KCNN2: variants seen among roughly 807,000 people sequenced by gnomAD.
KCNN2 encodes the protein potassium calcium-activated channel subfamily N member 2.
In KCNN2, 24 loss-of-function variants were observed where a neutral mutation model predicts 55.5. That is an observed-to-expected ratio of 0.43 (90% CI 0.31 to 0.61). The LOEUF (loss-of-function observed/expected upper bound fraction) is 0.61, where lower values mean the gene tolerates loss of function less well. Ranked by LOEUF, KCNN2 falls within the 20% of genes least tolerant of loss-of-function variation. The pLI is 0.08. For synonymous variants in KCNN2, 431 were observed against 336.1 expected, an observed-to-expected ratio of 1.28 and a Z score of -3.09; for missense variants, 754 against 853.6, an observed-to-expected ratio of 0.88 and a Z score of 1.45.
intron 3 of KCNN2, among the ~76,000 whole-genome samples, chr5:114,462,646 G>T (rs1310926063): frequency 6.6e-6 from 1 of 152,152 alleles, no homozygotes; most frequent in Non-Finnish European, 1.5e-5. Flanking sequence ...CCAAGCAAAG[G>T]GAACATCATA....
chr5:114,271,175 A>G (rs2150008179), intron 2 of KCNN2, among the ~76,000 whole-genome samples: 1 of 152,136 alleles, frequency 6.6e-6, no homozygotes, highest in African/African-American at 2.4e-5. Flanking sequence ...GCTTTTACAG[A>G]GTGCTGATTC....
At chr5:114,125,118 A>T (rs1751904004) in intron 1 of KCNN2, among the ~76,000 whole-genome samples, 1 of 152,220 alleles carries the variant, frequency 6.6e-6, no homozygotes, top group African/African-American at 2.4e-5. Context: ...TCTAATTTGT[A>T]TATATTGGAG....
chr5:114,422,502 T>C (rs752507639), intron 3 of KCNN2, among the ~76,000 whole-genome samples: 36 of 152,148 alleles, frequency 2.4e-4, no homozygotes, highest in Non-Finnish European at 4.7e-4. Context: ...AAATGTCTGT[T>C]TTATATAAGC....
chr5:114,443,960 T>G (rs1227968145), intron 3 of KCNN2, among the ~76,000 whole-genome samples: 1 of 152,196 alleles, frequency 6.6e-6, no homozygotes, highest in Non-Finnish European at 1.5e-5. Flanking sequence ...GGACTTTTCA[T>G]TCTAAGCAGT....
chr5:114,360,016 T>A (rs1387383650), upstream of KCNN2, among the ~76,000 whole-genome samples: 4 of 152,226 alleles, frequency 2.6e-5, no homozygotes, highest in African/African-American at 9.6e-5. Flanking sequence ...ATTGAATTGC[T>A]ATTTTGAAGA....
At chr5:114,332,942 C>T (rs963697099) in intron 2 of KCNN2, among the ~76,000 whole-genome samples, 2 of 152,098 alleles carry the variant, frequency 1.3e-5, no homozygotes, top group Non-Finnish European at 2.9e-5. Flanking sequence ...CACCTAATTC[C>T]TCCTTGGAGA....
At position 114,109,383 on chromosome 5, in the gene KCNN2, T is replaced by C. The variant is rs183298230; in HGVS notation, c.-271+52883T>C. Among the ~76,000 whole-genome samples, 488 of 152,180 alleles carry C rather than the reference T, an allele frequency of 3.2e-3. 5 individuals are homozygous for C. Among genetic ancestry groups the C allele is most frequent in the African/African-American group, 0.011 (475 of 41,554 alleles). On this transcript the variant is annotated intron_variant, in intron 1 of 10. Transcript: ENST00000512097. The stretch of plus-strand genomic sequence containing the variant: ...AAGTAACATCTTAACAACTTTGCCT[T>C]ATGCTCTTGGTTAGAAGGAAGTTGC...
chr5:114,107,336 A>G (rs1242040407), intron 1 of KCNN2, among the ~76,000 whole-genome samples: 4 of 151,878 alleles, frequency 2.6e-5, no homozygotes, highest in Admixed American at 1.3e-4. Flanking sequence ...AACTCCTCCA[A>G]GTTTGTTCTC....
At chr5:114,386,170 G>A (rs572638516) in intron 2 of KCNN2, among the ~76,000 whole-genome samples, 2 of 142,270 alleles carry the variant, frequency 1.4e-5, no homozygotes, top group South Asian at 2.3e-4. Context: ...GTGACAGAGC[G>A]AGACTCTGTC....
intron 2 of KCNN2, among the ~76,000 whole-genome samples, chr5:114,288,541 T>A (rs1362595592): frequency 8.9e-6 from 1 of 112,410 alleles, no homozygotes; most frequent in Non-Finnish European, 1.9e-5. Flanking sequence ...TACACATAGA[T>A]AATATTTTTT....
chr5:114,221,358 G>A (rs923744967), intron 1 of KCNN2, among the ~76,000 whole-genome samples: 2 of 152,096 alleles, frequency 1.3e-5, no homozygotes. Context: ...GGAGGTAATA[G>A]AATAAAATTT....
At chr5:114,202,998 T>C (rs1753705680) in intron 1 of KCNN2, among the ~76,000 whole-genome samples, 1 of 152,218 alleles carries the variant, frequency 6.6e-6, no homozygotes, top group Non-Finnish European at 1.5e-5. Flanking sequence ...GTCCAAACTC[T>C]AGAATCATCC....
intron 1 of KCNN2, among the ~76,000 whole-genome samples, chr5:114,107,022 C>A (rs1264278757): frequency 6.6e-6 from 1 of 152,018 alleles, no homozygotes; most frequent in Non-Finnish European, 1.5e-5. Context: ...ACATTTAAGT[C>A]TTTAAGTCAC....
chr5:114,365,434 T>A (rs1757571260), intron 2 of KCNN2, among the ~76,000 whole-genome samples: 1 of 152,248 alleles, frequency 6.6e-6, no homozygotes, highest in African/African-American at 2.4e-5. Flanking sequence ...AACTTAAACA[T>A]TAGAAATTTA....
chr5:114,234,936 C>A (rs1754461689), intron 2 of KCNN2, among the ~76,000 whole-genome samples: 1 of 152,176 alleles, frequency 6.6e-6, no homozygotes, highest in African/African-American at 2.4e-5. Context: ...CTGTATCTAT[C>A]TCCTTTAGTA....
intron 3 of KCNN2, among the ~76,000 whole-genome samples, chr5:114,445,099 T>C (rs1561387710): frequency 6.6e-6 from 1 of 152,190 alleles, no homozygotes; most frequent in Non-Finnish European, 1.5e-5. Context: ...TGTGTGTCTT[T>C]ACATGTATAT....
chr5:114,414,220 A>G (rs542729101), intron 3 of KCNN2, among the ~76,000 whole-genome samples: 1 of 152,208 alleles, frequency 6.6e-6, no homozygotes, highest in Non-Finnish European at 1.5e-5. Flanking sequence ...GCCATAAAAA[A>G]AGACATTTTA....
At chr5:114,239,210 A>G (rs1278574255) in intron 2 of KCNN2, among the ~76,000 whole-genome samples, 1 of 152,158 alleles carries the variant, frequency 6.6e-6, no homozygotes, top group Non-Finnish European at 1.5e-5. Flanking sequence ...TTGGGAAAAT[A>G]GTCAGCTAGA....
chr5:114,482,015 G>A (rs1450479268), intron 5 of KCNN2, among the ~76,000 whole-genome samples: 1 of 152,068 alleles, frequency 6.6e-6, no homozygotes, highest in Non-Finnish European at 1.5e-5. Flanking sequence ...ATTGCAACAA[G>A]CAAAAATTGA....
Sources: allele counts gnomAD v4.1 joint callset (sites outside exome capture counted in the v4.1 genomes callset), GRCh38; gene constraint gnomAD v4.1.1; transcripts MANE v1.5; gene names NCBI Gene and HGNC (gene_info 2026-07-23, HGNC 2026-07-21).